Variants in COG4 observed in about 807,000 individuals in gnomAD.
COG4 encodes component of oligomeric golgi complex 4, also known as conserved oligomeric Golgi complex subunit 4.
A neutral mutation model predicts 95.1 loss-of-function variants in COG4; 65 were observed. The observed-to-expected ratio is 0.68, with a 90% confidence interval of 0.56 to 0.84. The LOEUF (loss-of-function observed/expected upper bound fraction) is 0.84. Among genes scored for constraint, COG4 ranks in the 40% least tolerant of loss-of-function variants. The pLI is 0.00. For missense variants in COG4, 1,045 were observed against 989.1 expected, an observed-to-expected ratio of 1.06 and a Z score of -0.76; for synonymous variants, 421 against 374.8, an observed-to-expected ratio of 1.12 and a Z score of -1.42.
rs796994153 is a variant in COG4, at chr16:70,521,221, C to CT, written c.172-1491dup. On this transcript the variant is annotated intron_variant, in intron 1 of 18. Transcript: ENST00000323786. The stretch of plus-strand genomic sequence containing the variant: ...AGCCACTTGTGCCCAGGCAGCTATA[C>CT]TTTTTTTTTTTTTTGAGACGAGTTT... Among the ~76,000 whole-genome samples the CT allele has an allele frequency of 1.0e-3, 149 of 144,664 alleles. No homozygotes were observed. In the Middle Eastern group the frequency reaches 0.011, roughly 11 times the overall value. 94.9% of individuals were successfully genotyped at this position (144,664 alleles called of 152,430 possible).
At chr16:70,482,366 A>G (rs1394684579) in intron 15 of COG4, 191 bp from the exon 16 acceptor site, 7 of 663,468 alleles carry the variant, frequency 1.1e-5, no homozygotes, top group East Asian at 8.1e-5. Context: ...CCAGGGCTGT[A>G]GCAGTGGCCC....
Position 70,520,374 on chromosome 16 carries a change from TGGGGGGGGGGG to T in COG4, c.172-654_172-644del, listed in dbSNP as rs61397425. On this transcript the variant is annotated intron_variant, in intron 1 of 18. Coordinates refer to ENST00000323786, the MANE Select transcript of COG4 (RefSeq NM_015386.3). The stretch of plus-strand genomic sequence containing the variant: ...AGGAGAATGACATGAACCCGGGGGG[TGGGGGGGGGGG>T]GGGGCGGAGCTTGCAGTGAGCCGAG... Among the ~76,000 whole-genome samples, 8 of 2,246 alleles carry T rather than the reference TGGGGGGGGGGG, an allele frequency of 3.6e-3. 1 individual carries two copies. The highest frequency in any genetic ancestry group is 7.8e-3 in the African/African-American group (7 of 894). The allele number at this position is 2,246 out of a possible 152,430, so 1.5% of individuals were successfully genotyped here.
Position 70,502,601 on chromosome 16 carries a change from T to TAA in COG4, c.1062-1512_1062-1511dup, listed in dbSNP as rs59126839. Among the ~76,000 whole-genome samples the TAA allele has an allele frequency of 4.1e-4, 58 of 140,874 alleles. 2 individuals carry two copies. Among genetic ancestry groups the TAA allele is most frequent in the African/African-American group, 1.1e-3 (42 of 38,734 alleles). 92.4% of individuals were successfully genotyped at this position (140,874 alleles called of 152,430 possible). A position where few individuals can be genotyped will look rare whatever the true frequency, so the allele number is the denominator to read the frequency against. On this transcript the variant is annotated intron_variant, in intron 8 of 18. Coordinates refer to ENST00000323786, the MANE Select transcript of COG4 (RefSeq NM_015386.3). ...GGGCAACAAGAGTGAAACTCCGTCT[T>TAA]AAAAAAAAAAAAAAATTATCAGTGT... is the stretch of plus-strand genomic sequence containing the variant.
chr16:70,501,183 C>A, intron 8 of COG4, 92 bp from the exon 9 acceptor site: 1 of 1,420,150 alleles, frequency 7.0e-7, no homozygotes. Context: ...TTCCCCCTCC[C>A]CACTGGGCCC....
chr16:70,519,703 A>G lies in COG4; in HGVS notation c.200T>C (p.Leu67Pro). 1.2e-6 allele frequency: 2 copies of G among 1,613,968 alleles called. No individual in the cohort carries two copies. Among genetic ancestry groups the G allele is most frequent in the East Asian group, 4.5e-5 (2 of 44,888 alleles). ...TTCAATGGTGTTTTGCTGTTCCAAA[A>G]GAGCATCCAGCTCTCTCTCCACCAC... ...EKVVERELDA[L>P]LEQQNTIESK... Residue 67 changes from leucine to proline, a missense_variant, in exon 2 of 19, where the codon CTT becomes CCT. Physicochemically the swap from Leu to Pro is moderately conservative, Grantham distance 98. Transcript: ENST00000323786.
chr16:70,511,320 ATG>A (rs1178659060), intron 5 of COG4, among the ~76,000 whole-genome samples: 11 of 151,948 alleles, frequency 7.2e-5, no homozygotes, highest in African/African-American at 2.4e-4. Context: ...AACAAACCAC[ATG>A]TTACAGAATA....
chr16:70,522,401 T>C (rs1243500203), intron 1 of COG4, among the ~76,000 whole-genome samples: 1 of 152,192 alleles, frequency 6.6e-6, no homozygotes, highest in Admixed American at 6.5e-5. Context: ...TCCATTCTGA[T>C]TGCAGCACAA....
intron 7 of COG4, 96 bp downstream of exon 7, chr16:70,509,135 C>T (rs1488563842): frequency 6.7e-6 from 10 of 1,500,202 alleles, no homozygotes; most frequent in Non-Finnish European, 9.3e-6. Flanking sequence ...CCTGTCTGCA[C>T]CTTTTTTTTC....
In COG4 at chr16:70,522,009, T is replaced by C. The variant is rs548724382; in HGVS notation, c.171+1364A>G. On this transcript the variant is annotated intron_variant, in intron 1 of 18. Transcript: ENST00000323786. ...AGCCACCGCGCCAGGCTTTTTTTTTTTTTAAGAGACACAATTTTGCTCTTG... is the reference window on the plus strand; with the variant it reads ...AGCCACCGCGCCAGGCTTTTTTTTTCTTTAAGAGACACAATTTTGCTCTTG... 2.4e-4 allele frequency among the ~76,000 whole-genome samples: 34 copies of C among 144,194 alleles called. No homozygotes were observed. The South Asian group carries it at 5.8e-3, about 25-fold the overall frequency. The allele number at this position is 144,194 out of a possible 152,430, so 94.6% of individuals were successfully genotyped here.
In COG4 at chr16:70,512,435, G is replaced by A; in HGVS notation, c.545-3C>T. On this transcript the variant is annotated splice_polypyrimidine_tract_variant and splice_region_variant and intron_variant, in intron 4 of 18. Coordinates refer to ENST00000323786, the MANE Select transcript of COG4 (RefSeq NM_015386.3). ...CAGGTTGGCATCAATCATGCTCCCTGCTCAACAGGGAGAAAATGAAAATTC... is the reference window on the plus strand; with the variant it reads ...CAGGTTGGCATCAATCATGCTCCCTACTCAACAGGGAGAAAATGAAAATTC... The A allele has an allele frequency of 6.2e-7, 1 of 1,612,798 alleles. No individual in the cohort carries two copies. Among genetic ancestry groups the A allele is most frequent in the Non-Finnish European group, 8.5e-7 (1 of 1,179,136 alleles).
chr16:70,481,134 A>G lies in COG4; in HGVS notation c.2246T>C (p.Ile749Thr). 1 of 1,613,362 alleles carries G rather than the reference A, an allele frequency of 6.2e-7. No homozygotes were observed. Residue 749 changes from isoleucine to threonine, a missense_variant, in exon 19 of 19, where the codon ATC (isoleucine) becomes ACC (threonine). Physicochemically the swap from Ile to Thr is moderately conservative, Grantham distance 89. Transcript: ENST00000323786. ...TILNLERVTE[I>T]LDYWGPNSGP... ...GGAATTGGGTCCCCAGTAATCGAGG[A>G]TCTCGGTCACCTGTGGGGAAGGACA...
chr16:70,487,276 A>G, intron 13 of COG4, among the ~76,000 whole-genome samples: 1 of 150,150 alleles, frequency 6.7e-6, no homozygotes, highest in South Asian at 2.1e-4. Flanking sequence ...AATCGGTCTC[A>G]AAAAATAAAA....
chr16:70,514,307 C>T (rs1311024326), intron 4 of COG4, 28 bp downstream of exon 4: 4 of 1,611,696 alleles, frequency 2.5e-6, no homozygotes, highest in African/African-American at 1.3e-5. Context: ...TTTAACTAAA[C>T]TAAAAACCAA....
intron 12 of COG4, among the ~76,000 whole-genome samples, chr16:70,493,590 A>G (rs2049286987): frequency 6.6e-6 from 1 of 152,150 alleles, no homozygotes; most frequent in South Asian, 2.1e-4. Flanking sequence ...CAAGTGCAGA[A>G]TGGCACAAAA....
chr16:70,508,943 T>C (rs1473007369), intron 7 of COG4: 3 of 543,966 alleles, frequency 5.5e-6, no homozygotes, highest in East Asian at 3.9e-5. Flanking sequence ...TAGAGGGCAC[T>C]GTTGCACATT....
At chr16:70,487,981 C>A (rs1597659322) in intron 13 of COG4, among the ~76,000 whole-genome samples, 1 of 151,960 alleles carries the variant, frequency 6.6e-6, no homozygotes, top group East Asian at 1.9e-4. Flanking sequence ...TGCACCACCA[C>A]AACCGGCTAA....
chr16:70,509,949 T>C lies in COG4; in HGVS notation c.811A>G (p.Ile271Val), dbSNP rs551058375. ...TDMSDRRAAV[I>V]FADTLTLLFE... ...AGAAGAGTAAGTGTATCTGCAAAGA[T>C]GACTGCAGCTCTCCGATCACTCATG... is the stretch of plus-strand genomic sequence containing the variant. Residue 271 changes from isoleucine to valine, a missense_variant, in exon 6 of 19, where the codon ATC (isoleucine) becomes GTC (valine). Transcript: ENST00000323786. 295 of 1,613,970 alleles carry C rather than the reference T, an allele frequency of 1.8e-4. 2 individuals are homozygous for C. In the South Asian group the frequency reaches 2.9e-3, roughly 16 times the overall value.
chr16:70,515,973 G>T (rs1489169039), intron 3 of COG4: 1 of 455,942 alleles, frequency 2.2e-6, no homozygotes, highest in South Asian at 1.5e-5. Context: ...CTGGCCAGCT[G>T]TGGTTTTTCA....
chr16:70,513,579 T>G (rs1028474417), intron 4 of COG4, among the ~76,000 whole-genome samples: 8 of 152,184 alleles, frequency 5.3e-5, no homozygotes, highest in Non-Finnish European at 8.8e-5. Context: ...CAATAATATA[T>G]AATAAGATAT....
Sources: allele counts gnomAD v4.1 joint callset (sites outside exome capture counted in the v4.1 genomes callset), GRCh38; gene constraint gnomAD v4.1.1; transcripts MANE v1.5; gene names NCBI Gene and HGNC (gene_info 2026-07-23, HGNC 2026-07-21).